Variants in SGSH observed in about 807,000 individuals in gnomAD.
SGSH encodes N-sulfoglucosamine sulfohydrolase, also known as heparan sulfate sulfatase.
In SGSH, 48 loss-of-function variants were observed where a neutral mutation model predicts 51.0. The observed-to-expected ratio is 0.94, with a 90% CI of 0.75 to 1.20. The LOEUF is 1.20. SGSH is among the 50% of genes most tolerant of loss of function. The pLI is 0.00. For synonymous variants in SGSH, 321 were observed against 313.4 expected (o/e 1.02, Z -0.26); for missense variants, 662 against 717.8 (o/e 0.92, Z 0.89).
chr17:80,216,310 C>T (rs1598755208), intron 2 of SGSH, among the ~76,000 whole-genome samples: 1 of 151,580 alleles, frequency 6.6e-6, no homozygotes, highest in Middle Eastern at 3.4e-3. Flanking sequence ...GCCTGGGTGA[C>T]AGAGTGAGAC....
chr17:80,201,827 G>A (rs1291743094), downstream of SGSH: 2 of 1,614,040 alleles, frequency 1.2e-6, no homozygotes. The surrounding 1 kb of genome is among the most constrained non-coding windows in gnomAD (Gnocchi z 5.0). Context: ...TTCTCAGGAG[G>A]GTGGACGGCT....
downstream of SGSH, chr17:80,207,449 G>A (rs138020594): frequency 6.7e-4 from 119 of 176,680 alleles, 1 homozygote; most frequent in African/African-American, 2.6e-3. Flanking sequence ...TACTCGGGAG[G>A]CTGAGACATG....
chr17:80,202,522 G>C (rs2041039817), downstream of SGSH: 2 of 1,510,826 alleles, frequency 1.3e-6, no homozygotes, highest in Admixed American at 3.9e-5. Context: ...ATAGAGGGTG[G>C]GCGTGGTGAG....
Position 80,210,160 on chromosome 17 carries a change from A to G in SGSH, c.*292T>C, listed in dbSNP as rs1280168640. On this transcript the variant is annotated 3_prime_UTR_variant, in exon 8 of 8. Transcript: ENST00000326317. ...GCGCTGCCCTGTCCGCAGACCACGT[A>G]TGTCTAGAATTCCCGTGCTGGGACA... 2 of 1,334,990 alleles carry G rather than the reference A, an allele frequency of 1.5e-6. No individual in the cohort carries two copies. Among genetic ancestry groups the G allele is most frequent in the African/African-American group, 2.9e-5 (2 of 67,890 alleles). The allele number at this position is 1,334,990 out of a possible 1,614,324, so 82.7% of individuals were successfully genotyped here.
rs753030382 is a variant in SGSH at position 80,214,238 on chromosome 17, G to A, written c.597C>T (p.Asn199=). The change falls in exon 5 of 8, where the codon AAC becomes AAT. Residue 199 remains asparagine, a synonymous_variant. Coordinates refer to ENST00000326317, the MANE Select transcript of SGSH (RefSeq NM_000199.5). ...GGATACGACCCATGCCGCTCTCTCC[G>A]TTGCCAAACTTCTCACAGAAGGTTC... ...QYGTFCEKFG[N]GESGMGRIPD... 1.2e-5 allele frequency: 19 copies of A among 1,613,018 alleles called. 1 individual carries two copies. Among genetic ancestry groups the A allele is most frequent in the South Asian group, 4.4e-5 (4 of 91,052 alleles).
At chr17:80,215,536 G>T (rs1001543278) in intron 2 of SGSH, among the ~76,000 whole-genome samples, 3 of 152,214 alleles carry the variant, frequency 2.0e-5, no homozygotes, top group Admixed American at 1.3e-4. Flanking sequence ...AACTCAGACT[G>T]CCGGCCGGGC....
intron 1 of SGSH, among the ~76,000 whole-genome samples, chr17:80,218,659 A>G (rs2041988755): frequency 6.6e-6 from 1 of 152,216 alleles, no homozygotes; most frequent in African/African-American, 2.4e-5. Flanking sequence ...CCGTACCCGC[A>G]GGCCAGGAAG....
Position 80,217,206 on chromosome 17 carries a change from G to T in SGSH, c.89-14C>A, listed in dbSNP as rs746440092. On this transcript the variant is annotated splice_polypyrimidine_tract_variant and intron_variant, in intron 1 of 7. Transcript: ENST00000326317. ...CTCCGTCATCCGCTGCGTGAGGTGG[G>T]AGACAGAGAGTGCACGGTCGGCTGC... 1 of 1,594,370 alleles carries T rather than the reference G, an allele frequency of 6.3e-7. No homozygotes were observed. The highest frequency in any genetic ancestry group is 1.1e-5 in the South Asian group (1 of 88,710).
At chr17:80,205,779 G>C, downstream of SGSH, 2 of 999,200 alleles carry the variant, frequency 2.0e-6, no homozygotes, top group South Asian at 3.6e-5. Context: ...CCGACCTCTG[G>C]GTCCCAACAG....
chr17:80,210,643 C>T lies in SGSH; in HGVS notation c.1318G>A (p.Asp440Asn), dbSNP rs886053558. ...YYYRARWELY[D>N]RSRDPHETQN... is the part of the protein sequence containing the mutation. ...GTCTCGTGGGGGTCCCGGCTCCGGT[C>T]GTAGAGCTCCCAGCGCGCCCGGTAG... Residue 440 changes from aspartate (D) to asparagine (N), a missense_variant, in exon 8 of 8, where the codon GAC (aspartate) becomes AAC (asparagine). Physicochemically the swap from Asp to Asn is conservative, Grantham distance 23. Coordinates refer to ENST00000326317, the MANE Select transcript of SGSH (RefSeq NM_000199.5). 11 of 1,613,832 alleles carry T rather than the reference C, an allele frequency of 6.8e-6. No homozygotes were observed. The highest frequency in any genetic ancestry group is 5.3e-5 in the African/African-American group (4 of 74,940).
rs941020879 is a variant in SGSH at position 80,217,017 on chromosome 17, C to T, written c.249+15G>A. ...ACTCCCTGCCCACCCCCTCCTCCCG[C>T]CCCTTGCACCTCACCTGGGGCAGGC... On this transcript the variant is annotated intron_variant, in intron 2 of 7. Coordinates refer to ENST00000326317, the MANE Select transcript of SGSH (RefSeq NM_000199.5). 25 of 1,544,744 alleles carry T rather than the reference C, an allele frequency of 1.6e-5. No individual in the cohort carries two copies. Among genetic ancestry groups the T allele is most frequent in the Non-Finnish European group, 2.1e-5 (24 of 1,146,428 alleles).
Position 80,213,935 on chromosome 17 carries a change from C to T in SGSH, c.664-50G>A, listed in dbSNP as rs117217614. ...GCTTAGAACAGACAGACCGGGGGAG[C>T]GGTGTCCAGCCTTCTCCCCGGGGCC... On this transcript the variant is annotated intron_variant, in intron 5 of 7. Transcript: ENST00000326317. The surrounding 1 kb of genome is among the most constrained non-coding windows in gnomAD (Gnocchi z 4.6). 63,026 of 1,535,482 alleles carry T rather than the reference C, an allele frequency of 0.041. 1,492 individuals carry two copies. The highest frequency in any genetic ancestry group is 0.079 in the Middle Eastern group (470 of 5,924).
At position 80,210,493 on chromosome 17, in the gene SGSH, TCTC is replaced by T. The variant is rs1252944094; in HGVS notation, c.1465_1467del (p.Glu489del). On this transcript the variant is annotated inframe_deletion, in exon 8 of 8. Transcript: ENST00000326317. ...AGGGGCTGGCACTGGGGAGAGAGCT[TCTC>T]CTCCAGGACGCCGTCGGGGGCGCAC... 8 of 1,604,228 alleles carry T rather than the reference TCTC, an allele frequency of 5.0e-6. No homozygotes were observed. The highest frequency in any genetic ancestry group is 4.0e-5 in the African/African-American group (3 of 74,844).
In SGSH at chr17:80,212,288, C is replaced by T; in HGVS notation, c.746-14G>A. 1 of 1,594,060 alleles carries T rather than the reference C, an allele frequency of 6.3e-7. No individual in the cohort carries two copies. On this transcript the variant is annotated splice_polypyrimidine_tract_variant and intron_variant, in intron 6 of 7. Coordinates refer to ENST00000326317, the MANE Select transcript of SGSH (RefSeq NM_000199.5). The surrounding 1 kb of genome is among the most constrained non-coding windows in gnomAD (Gnocchi z 5.9). ...CCAGTCCAACTCCTGTGGTGAGGGG[C>T]CGAGAAGCAGAGCTCAGCCGCAGAC... is the stretch of plus-strand genomic sequence containing the variant.
At position 80,217,033 on chromosome 17, in the gene SGSH, TG is replaced by T; in HGVS notation, c.247del (p.Gln83SerfsTer181). On this transcript the variant is annotated frameshift_variant and splice_region_variant, in exon 2 of 8. Transcript: ENST00000326317. LOFTEE classifies it high-confidence loss of function. ...SRASLLTGLP[Q>X]HQNGMYGLHQ... Reference sequence around the variant, plus strand: ...CTCCTCCCGCCCCTTGCACCTCACCTGGGGCAGGCCAGTGAGGAGGCTGGCG... The same window carrying T: ...CTCCTCCCGCCCCTTGCACCTCACCTGGGCAGGCCAGTGAGGAGGCTGGCG... 1 of 1,567,436 alleles carries T rather than the reference TG, an allele frequency of 6.4e-7. No individual in the cohort carries two copies. The highest frequency in any genetic ancestry group is 8.6e-7 in the Non-Finnish European group (1 of 1,158,506).
At position 80,214,745 on chromosome 17, in the gene SGSH, C is replaced by T. The variant is rs775553760; in HGVS notation, c.376G>A (p.Val126Met). The T allele has an allele frequency of 3.7e-5, 59 of 1,612,412 alleles. No individual in the cohort carries two copies. The highest frequency in any genetic ancestry group is 1.1e-4 in the East Asian group (5 of 44,898). ...AACGGGTACACGGTCTCCGGCCCCA[C>T]GTGCTTCTTCCCGATGATGCCTGGG... ...VRTGIIGKKH[V>M]GPETVYPFDF... is the part of the protein sequence containing the mutation. Residue 126 changes from valine (V) to methionine (M), a missense_variant, in exon 4 of 8, where the codon GTG (valine) becomes ATG (methionine). Physicochemically the swap from Val to Met is conservative, Grantham distance 21 (BLOSUM62 1). Transcript: ENST00000326317.
At chr17:80,207,148 AC>A, downstream of SGSH, 2 of 1,193,012 alleles carry the variant, frequency 1.7e-6, no homozygotes, top group Non-Finnish European at 2.5e-6. Context: ...CCCAAAGCCC[AC>A]GGCAGGTGCC....
At chr17:80,204,725 A>T, downstream of SGSH, 1 of 414,788 alleles carries the variant, frequency 2.4e-6, no homozygotes, top group Non-Finnish European at 4.3e-6. Flanking sequence ...ACTCTCCCAG[A>T]TCCTTTGGAA....
At chr17:80,205,117 C>A, downstream of SGSH, 1 of 1,613,634 alleles carries the variant, frequency 6.2e-7, no homozygotes. Context: ...CCGCCCGGCC[C>A]CGGCCTGTGC....
Sources: gnomAD v4.1 joint callset for allele counts (sites outside exome capture counted in the v4.1 genomes callset) on GRCh38, gnomAD v4.1.1 for gene constraint, Gnocchi (gnomAD v3.1) non-coding constraint, MANE v1.5 for transcripts, NCBI Gene and HGNC (gene_info 2026-07-23, HGNC 2026-07-21) for gene names.